Variants in ADAMTSL1 observed in about 807,000 individuals in gnomAD.
ADAMTSL1 encodes ADAMTS-like protein 1.
ADAMTSL1 carries 126 observed loss-of-function variants against 201.8 expected under a neutral mutation model. The observed-to-expected ratio is 0.62, with a 90% CI of 0.54 to 0.72. The LOEUF is 0.72. Ranked by LOEUF, ADAMTSL1 falls within the 30% of genes least tolerant of loss-of-function variation. The pLI, the probability that ADAMTSL1 is intolerant of heterozygous loss-of-function variation, is 0.00. For missense variants in ADAMTSL1, 2,679 were observed against 2,277.8 expected, an observed-to-expected ratio of 1.18 and a Z score of -3.59; for synonymous variants, 1,121 against 903.4, an observed-to-expected ratio of 1.24 and a Z score of -4.32.
chr9:18,298,738 A>G (rs1272539405), intron 2 of ADAMTSL1, among the ~76,000 whole-genome samples: 3 of 151,980 alleles, frequency 2.0e-5, no homozygotes, highest in Non-Finnish European at 4.4e-5. Flanking sequence ...CAAGAACAAT[A>G]ATAGGCCGGG....
chr9:18,217,889 C>G (rs1350182148), intron 2 of ADAMTSL1, among the ~76,000 whole-genome samples: 1 of 151,592 alleles, frequency 6.6e-6, no homozygotes, highest in Non-Finnish European at 1.5e-5. Context: ...AATGTACGTG[C>G]TGAGAAGTGA....
Position 18,909,387 on chromosome 9 carries a change from A to C in ADAMTSL1, c.*839A>C, listed in dbSNP as rs10963836. 0.18 allele frequency: 27,793 copies of C among 152,232 alleles called. 3,571 individuals are homozygous for C. Among genetic ancestry groups the C allele is most frequent in the African/African-American group, 0.37 (15,209 of 41,496 alleles). 9.4% of individuals were successfully genotyped at this position (152,232 alleles called of 1,614,324 possible). ...GCTGCGTGGGAGTCCCCACTTCCCA[A>C]GCTATCAGAGTCAACGTCCTGCCTG... On this transcript the variant is annotated 3_prime_UTR_variant, in exon 29 of 29. Coordinates refer to ENST00000380548, the MANE Select transcript of ADAMTSL1 (RefSeq NM_001040272.6).
chr9:18,655,398 G>C (rs141183628), intron 7 of ADAMTSL1, among the ~76,000 whole-genome samples: 1 of 152,144 alleles, frequency 6.6e-6, no homozygotes, highest in Non-Finnish European at 1.5e-5. Flanking sequence ...ATAGAAAGAA[G>C]AGCTTGGTTC....
chr9:17,941,836 G>T (rs577092321), intron 1 of ADAMTSL1, among the ~76,000 whole-genome samples: 117 of 152,216 alleles, frequency 7.7e-4, no homozygotes, highest in Non-Finnish European at 9.4e-4. Flanking sequence ...GGTGCTAGCA[G>T]ATTTGAGGTT....
At chr9:18,380,676 C>T (rs914236492) in intron 2 of ADAMTSL1, among the ~76,000 whole-genome samples, 33 of 152,198 alleles carry the variant, frequency 2.2e-4, no homozygotes, top group Non-Finnish European at 3.1e-4. Flanking sequence ...CATGAATAAG[C>T]TTTCACATGA....
At chr9:18,860,637 T>A (rs921862037) in intron 23 of ADAMTSL1, among the ~76,000 whole-genome samples, 5 of 152,182 alleles carry the variant, frequency 3.3e-5, no homozygotes, top group Non-Finnish European at 5.9e-5. Context: ...GTAAACACCT[T>A]ATTGTAAACA....
At chr9:18,851,270 G>T (rs940773223) in intron 23 of ADAMTSL1, among the ~76,000 whole-genome samples, 1 of 152,054 alleles carries the variant, frequency 6.6e-6, no homozygotes, top group East Asian at 1.9e-4. Context: ...CAGAAGCAAT[G>T]GTGAGAAAGC....
intron 1 of ADAMTSL1, among the ~76,000 whole-genome samples, chr9:18,142,019 A>G (rs995001691): frequency 6.6e-6 from 1 of 152,228 alleles, no homozygotes; most frequent in Non-Finnish European, 1.5e-5. Flanking sequence ...AATATGTAGT[A>G]GGCAAACTCA....
intron 15 of ADAMTSL1, chr9:18,723,372 A>G: frequency 2.3e-6 from 1 of 443,058 alleles, no homozygotes. Flanking sequence ...CCAAATGCTG[A>G]GGCAGTGCCG....
At position 18,886,851 on chromosome 9, in the gene ADAMTSL1, T is replaced by G. The variant is rs138797778; in HGVS notation, c.4250-980T>G. Reference sequence around the variant, plus strand: ...TATAGCACCATCTTTGTGTCTCGTATCTCATCATCTCCTGCCTTGCATCTG... The same window carrying G: ...TATAGCACCATCTTTGTGTCTCGTAGCTCATCATCTCCTGCCTTGCATCTG... On this transcript the variant is annotated intron_variant, in intron 23 of 28. Transcript: ENST00000380548. Among the ~76,000 whole-genome samples the G allele has an allele frequency of 7.9e-5, 12 of 152,342 alleles. No individual in the cohort carries two copies. The East Asian group carries it at 2.3e-3, about 29-fold the overall frequency.
In ADAMTSL1 at chr9:18,474,263, A is replaced by T; in HGVS notation, c.31A>T (p.Thr11Ser). The stretch of plus-strand genomic sequence containing the variant: ...ATGCTGCCGTCGGGCAACTCCTGGC[A>T]CACTGCTCCTCTTTCTGGCTTTCCT... MECCRRATPG[T>S]LLLFLAFLLL... Residue 11 changes from threonine (T) to serine (S), a missense_variant, in exon 1 of 29, where the codon ACA becomes TCA. Thr to Ser is a moderately conservative substitution (Grantham distance 58, BLOSUM62 1). Coordinates refer to ENST00000380548, the MANE Select transcript of ADAMTSL1 (RefSeq NM_001040272.6). 1.2e-6 allele frequency: 2 copies of T among 1,614,160 alleles called. No homozygotes were observed. Among genetic ancestry groups the T allele is most frequent in the Non-Finnish European group, 1.7e-6 (2 of 1,180,024 alleles).
intron 2 of ADAMTSL1, among the ~76,000 whole-genome samples, chr9:18,192,121 T>A (rs1563798482): frequency 6.6e-6 from 1 of 152,284 alleles, no homozygotes; most frequent in Non-Finnish European, 1.5e-5. Flanking sequence ...TCCATTTAAC[T>A]TTTCTAATAG....
intron 1 of ADAMTSL1, among the ~76,000 whole-genome samples, chr9:18,499,581 C>T (rs1822724331): frequency 6.6e-6 from 1 of 152,216 alleles, no homozygotes; most frequent in African/African-American, 2.4e-5. Flanking sequence ...GTTCTCTCAT[C>T]ACTGGGGGAG....
chr9:18,575,107 A>G (rs1822624359), intron 4 of ADAMTSL1, among the ~76,000 whole-genome samples: 1 of 152,184 alleles, frequency 6.6e-6, no homozygotes, highest in African/African-American at 2.4e-5. Context: ...CTCTCTTCAG[A>G]ATGTATAATA....
chr9:18,849,333 T>G (rs117837859), intron 23 of ADAMTSL1, among the ~76,000 whole-genome samples: 3 of 152,170 alleles, frequency 2.0e-5, no homozygotes, highest in African/African-American at 7.2e-5. Flanking sequence ...TCCTATAGCC[T>G]GGATTTTTCT....
chr9:18,774,148 A>G (rs1472275062), intron 17 of ADAMTSL1, among the ~76,000 whole-genome samples: 3 of 152,130 alleles, frequency 2.0e-5, no homozygotes, highest in Non-Finnish European at 4.4e-5. Flanking sequence ...TGGAGATGAC[A>G]GCCTCCTTCC....
chr9:18,019,687 T>G (rs945004263), intron 1 of ADAMTSL1, among the ~76,000 whole-genome samples: 4 of 152,100 alleles, frequency 2.6e-5, no homozygotes, highest in East Asian at 1.9e-4. Flanking sequence ...GGTGACCCAC[T>G]AAGCAGGAAC....
chr9:18,642,099 T>A (rs906838646), intron 7 of ADAMTSL1, among the ~76,000 whole-genome samples: 1 of 151,908 alleles, frequency 6.6e-6, no homozygotes, highest in African/African-American at 2.4e-5. Flanking sequence ...ATTCAGAAAG[T>A]GGAATAAACC....
At chr9:18,625,783 C>A (rs939829158) in intron 5 of ADAMTSL1, among the ~76,000 whole-genome samples, 1 of 152,188 alleles carries the variant, frequency 6.6e-6, no homozygotes, top group East Asian at 1.9e-4. Context: ...TCGTCTGTAT[C>A]TGTATGTTTT....
Sources: gnomAD v4.1 joint callset for allele counts (sites outside exome capture counted in the v4.1 genomes callset) on GRCh38, gnomAD v4.1.1 for gene constraint, MANE v1.5 for transcripts, NCBI Gene and HGNC (gene_info 2026-07-23, HGNC 2026-07-21) for gene names.